The following CAMK2B variants were observed in gnomAD, a reference collection of about 807,000 sequenced individuals.
CAMK2B encodes the protein calcium/calmodulin dependent protein kinase II beta, also known as calcium/calmodulin-dependent protein kinase type II subunit beta.
Under a neutral mutation model 93.7 loss-of-function variants are expected in CAMK2B, and 27 were observed. The ratio of observed to expected loss-of-function variants is 0.29; its 90% CI spans 0.21 to 0.40. The LOEUF (loss-of-function observed/expected upper bound fraction) is 0.40, where lower values mean the gene tolerates loss of function less well. Ranked by LOEUF, CAMK2B falls within the 10% of genes least tolerant of loss-of-function variation. The pLI, the probability that CAMK2B is intolerant of heterozygous loss-of-function variation, is 1.00. For synonymous variants in CAMK2B, 374 were observed against 358.8 expected (o/e 1.04, Z -0.48); for missense variants, 568 against 895.8 (o/e 0.63, Z 4.67).
intron 1 of CAMK2B, among the ~76,000 whole-genome samples, chr7:44,285,464 C>A (rs1220556198): frequency 6.6e-6 from 1 of 152,178 alleles, no homozygotes; most frequent in Non-Finnish European, 1.5e-5. Context: ...GGAACAGCCT[C>A]CCCTCCCAGA....
At chr7:44,253,176 G>A (rs1182974950) in intron 5 of CAMK2B, among the ~76,000 whole-genome samples, 1 of 151,382 alleles carries the variant, frequency 6.6e-6, no homozygotes, top group African/African-American at 2.4e-5. Context: ...GATCAGAAAA[G>A]TAATACATAC....
In CAMK2B at chr7:44,242,666, G is replaced by T. The variant is rs756977032; in HGVS notation, c.602-12C>A. 3 of 1,590,384 alleles carry T rather than the reference G, an allele frequency of 1.9e-6. No homozygotes were observed. Among genetic ancestry groups the T allele is most frequent in the Non-Finnish European group, 2.6e-6 (3 of 1,163,274 alleles). On this transcript the variant is annotated splice_polypyrimidine_tract_variant and intron_variant, in intron 8 of 23. Coordinates refer to ENST00000395749, the MANE Select transcript of CAMK2B (RefSeq NM_001220.5). Reference sequence around the variant, plus strand: ...GTACAGGATCACCCCTGCGGATGGGGCCTGTGAGCACCGCAGCCACTTGCA... The same window carrying T: ...GTACAGGATCACCCCTGCGGATGGGTCCTGTGAGCACCGCAGCCACTTGCA...
chr7:44,229,573 AGG>A, intron 17 of CAMK2B, 72 bp from the exon 18 acceptor site: 1 of 289,736 alleles, frequency 3.5e-6, no homozygotes, highest in South Asian at 5.1e-5. Flanking sequence ...GGAGAAGGAC[AGG>A]GGGAGGCCAG....
At chr7:44,314,804 C>T (rs368394318) in intron 1 of CAMK2B, among the ~76,000 whole-genome samples, 301 of 152,308 alleles carry the variant, frequency 2.0e-3, no homozygotes, top group South Asian at 7.7e-3. Flanking sequence ...GAAATGGCAT[C>T]GCATGATGGT....
chr7:44,233,783 C>T (rs56137829), intron 15 of CAMK2B, among the ~76,000 whole-genome samples: 58,650 of 152,076 alleles, frequency 0.39, 11,851 homozygotes, highest in Middle Eastern at 0.47. Context: ...AGCCCCTAAG[C>T]CCTGCCTCTC....
chr7:44,253,928 A>G (rs1255419206), intron 5 of CAMK2B, among the ~76,000 whole-genome samples: 1 of 147,580 alleles, frequency 6.8e-6, no homozygotes, highest in Non-Finnish European at 1.5e-5. Flanking sequence ...TTTTAAATAC[A>G]CATCTCTGTG....
At chr7:44,250,286 C>T (rs1562902652) in intron 5 of CAMK2B, among the ~76,000 whole-genome samples, 1 of 152,210 alleles carries the variant, frequency 6.6e-6, no homozygotes, top group African/African-American at 2.4e-5. Context: ...CACAGTCACA[C>T]CATCTTGTCT....
chr7:44,304,470 T>C (rs1457055014), intron 1 of CAMK2B, among the ~76,000 whole-genome samples: 1 of 152,190 alleles, frequency 6.6e-6, no homozygotes, highest in African/African-American at 2.4e-5. Flanking sequence ...AGGAGGAAAC[T>C]TAAGTGGCCA....
chr7:44,287,809 G>A (rs1158265271), intron 1 of CAMK2B, among the ~76,000 whole-genome samples: 1 of 152,168 alleles, frequency 6.6e-6, no homozygotes, highest in Non-Finnish European at 1.5e-5. Flanking sequence ...AGCTCACACA[G>A]AAAGTCAGCT....
intron 2 of CAMK2B, among the ~76,000 whole-genome samples, chr7:44,270,177 C>T (rs1432731121): frequency 6.6e-6 from 1 of 152,128 alleles, no homozygotes; most frequent in African/African-American, 2.4e-5. Flanking sequence ...GCGCTCTCCA[C>T]CCATTTCCTC....
At chr7:44,229,546 AG>A (rs1181416896) in intron 17 of CAMK2B, 45 bp from the exon 18 acceptor site, 8 of 843,970 alleles carry the variant, frequency 9.5e-6, no homozygotes, top group African/African-American at 9.2e-5. Context: ...GTGCGCCCGC[AG>A]GAAAAGAAGG....
At chr7:44,230,910 C>T (rs1050607338) in intron 17 of CAMK2B, 96 bp downstream of exon 17, 31 of 1,035,180 alleles carry the variant, frequency 3.0e-5, no homozygotes, top group South Asian at 8.9e-5. Flanking sequence ...AACTAGGCGT[C>T]GCAGGAGAGT....
At chr7:44,284,283 A>G in intron 1 of CAMK2B, 58 bp from the exon 2 acceptor site, 1 of 1,260,798 alleles carries the variant, frequency 7.9e-7, no homozygotes, top group East Asian at 2.4e-5. Flanking sequence ...GGAGAAAGAG[A>G]GAGAGCCGAT....
intron 1 of CAMK2B, among the ~76,000 whole-genome samples, chr7:44,324,197 C>G (rs1188956654): frequency 1.3e-5 from 2 of 152,254 alleles, no homozygotes; most frequent in East Asian, 1.9e-4. Context: ...AAGGTTTCAC[C>G]AGACACTTAT....
chr7:44,316,216 G>A (rs1794797729), intron 1 of CAMK2B, among the ~76,000 whole-genome samples: 2 of 152,134 alleles, frequency 1.3e-5, no homozygotes, highest in Middle Eastern at 3.4e-3. Context: ...GTCATTTGTT[G>A]AGTTTTTATC....
At chr7:44,244,965 A>G (rs2075069) in intron 6 of CAMK2B, 203,274 of 454,288 alleles carry the variant, frequency 0.45, 47,025 homozygotes, top group Middle Eastern at 0.53. Context: ...GCCACTGGAC[A>G]TGGTGATTTT....
intron 1 of CAMK2B, among the ~76,000 whole-genome samples, chr7:44,285,910 G>A (rs1218714964): frequency 2.6e-5 from 4 of 151,222 alleles, no homozygotes; most frequent in African/African-American, 9.7e-5. Context: ...GGTGTTCACT[G>A]TTCACTCCGC....
chr7:44,233,862 C>T (rs1459415428), intron 15 of CAMK2B, among the ~76,000 whole-genome samples: 2 of 152,192 alleles, frequency 1.3e-5, no homozygotes, highest in Non-Finnish European at 2.9e-5. Flanking sequence ...CTGCCACTGG[C>T]TTAGACACCT....
rs2096754294 is a variant in CAMK2B at position 44,248,855 on chromosome 7, G to A, written c.342-1663C>T. Among the ~76,000 whole-genome samples the A allele has an allele frequency of 6.6e-6, 1 of 152,176 alleles. No individual in the cohort carries two copies. On this transcript the variant is annotated intron_variant, in intron 5 of 23. Coordinates refer to ENST00000395749, the MANE Select transcript of CAMK2B (RefSeq NM_001220.5). This position sits in a 1 kb window ranked among gnomAD's most constrained non-coding sequence, Gnocchi z 4.1. Reference sequence around the variant, plus strand: ...AGGTGTGTGGGGTCAGAAGAAGCCAGGCCCAAACTCATGGGAGACAGCCCC... The same window carrying A: ...AGGTGTGTGGGGTCAGAAGAAGCCAAGCCCAAACTCATGGGAGACAGCCCC...
Sources: gnomAD v4.1 joint callset for allele counts (sites outside exome capture counted in the v4.1 genomes callset) on GRCh38, gnomAD v4.1.1 for gene constraint, Gnocchi (gnomAD v3.1) non-coding constraint, MANE v1.5 for transcripts, NCBI Gene and HGNC (gene_info 2026-07-23, HGNC 2026-07-21) for gene names.